PPARGC1A: variants seen among roughly 807,000 people sequenced by gnomAD.
PPARGC1A encodes the protein peroxisome proliferator-activated receptor gamma coactivator 1-alpha.
A neutral mutation model predicts 88.7 loss-of-function variants in PPARGC1A; 25 were observed. The observed-to-expected ratio is 0.28, with a 90% CI of 0.21 to 0.39. The LOEUF (loss-of-function observed/expected upper bound fraction) is 0.39. Ranked by LOEUF, PPARGC1A falls within the 10% of genes least tolerant of loss-of-function variation. The pLI, the probability that PPARGC1A is intolerant of heterozygous loss-of-function variation, is 1.00. For missense variants in PPARGC1A, 880 were observed against 968.7 expected (o/e 0.91, Z 1.22); for synonymous variants, 363 against 355.6 (o/e 1.02, Z -0.24).
the PPARGC1A span, among the ~76,000 whole-genome samples, chr4:23,948,996 C>G: frequency 6.6e-6 from 1 of 152,160 alleles, no homozygotes; most frequent in Non-Finnish European, 1.5e-5. Flanking sequence ...TAGAATTTAA[C>G]TCTTAAACCA....
intron 1 of PPARGC1A, among the ~76,000 whole-genome samples, chr4:23,886,518 G>A (rs532273973): frequency 6.6e-6 from 1 of 152,052 alleles, no homozygotes; most frequent in Non-Finnish European, 1.5e-5. Context: ...CAGGGACAAG[G>A]GAATGCAAAG....
At chr4:24,251,603 C>T in the PPARGC1A span, among the ~76,000 whole-genome samples, 1 of 152,156 alleles carries the variant, frequency 6.6e-6, no homozygotes, top group South Asian at 2.1e-4. Context: ...TAATGACAGC[C>T]ACTTGAGCAT....
the PPARGC1A span, among the ~76,000 whole-genome samples, chr4:24,204,587 AC>A: frequency 2.0e-5 from 3 of 152,086 alleles, no homozygotes; most frequent in African/African-American, 7.2e-5. Flanking sequence ...CATCCACATA[AC>A]CCTGAGAAAG....
chr4:24,022,911 T>A, the PPARGC1A span, among the ~76,000 whole-genome samples: 2 of 152,178 alleles, frequency 1.3e-5, no homozygotes, highest in African/African-American at 4.8e-5. Flanking sequence ...CTAAAAATAA[T>A]CCAGCAACTG....
At chr4:24,024,243 C>T in the PPARGC1A span, among the ~76,000 whole-genome samples, 1 of 152,326 alleles carries the variant, frequency 6.6e-6, no homozygotes, top group African/African-American at 2.4e-5. Context: ...TTTTACATGA[C>T]TTATCTCACG....
chr4:24,331,253 T>C, the PPARGC1A span, among the ~76,000 whole-genome samples: 1 of 152,164 alleles, frequency 6.6e-6, no homozygotes, highest in Non-Finnish European at 1.5e-5. Context: ...AGAGCCTTTA[T>C]GTTTGCAGTT....
At chr4:24,321,119 T>C in the PPARGC1A span, among the ~76,000 whole-genome samples, 1 of 152,212 alleles carries the variant, frequency 6.6e-6, no homozygotes, top group Admixed American at 6.5e-5. Flanking sequence ...AGTCATCCTG[T>C]AAAGCTTCCA....
At chr4:23,946,077 C>T in the PPARGC1A span, among the ~76,000 whole-genome samples, 1 of 152,074 alleles carries the variant, frequency 6.6e-6, no homozygotes, top group Non-Finnish European at 1.5e-5. Flanking sequence ...CTTTAAGATA[C>T]CATGGTCCCA....
At chr4:24,082,164 C>G in the PPARGC1A span, among the ~76,000 whole-genome samples, 8 of 152,146 alleles carry the variant, frequency 5.3e-5, no homozygotes, top group Non-Finnish European at 1.2e-4. Context: ...CAGTTCAAAG[C>G]CCTTGCGGCA....
the PPARGC1A span, among the ~76,000 whole-genome samples, chr4:24,226,922 C>A: frequency 2.0e-5 from 3 of 152,108 alleles, no homozygotes; most frequent in African/African-American, 7.2e-5. Flanking sequence ...CTCTCCCACA[C>A]CCCCTCCAAG....
chr4:24,183,964 A>G, the PPARGC1A span, among the ~76,000 whole-genome samples: 5 of 152,350 alleles, frequency 3.3e-5, no homozygotes, highest in Admixed American at 2.0e-4. Flanking sequence ...AAAAAGTAAA[A>G]CAAAGCTGCT....
the PPARGC1A span, among the ~76,000 whole-genome samples, chr4:23,955,237 C>G: frequency 6.6e-6 from 1 of 152,032 alleles, no homozygotes; most frequent in African/African-American, 2.4e-5. Context: ...TTCAAAACAT[C>G]TAATGCTTGT....
chr4:23,909,614 G>T, the PPARGC1A span, among the ~76,000 whole-genome samples: 1 of 151,818 alleles, frequency 6.6e-6, no homozygotes, highest in South Asian at 2.1e-4. Context: ...GAAGGAGGAG[G>T]GATGATGAGG....
chr4:24,329,034 A>AC, the PPARGC1A span, among the ~76,000 whole-genome samples: 1 of 152,222 alleles, frequency 6.6e-6, no homozygotes, highest in African/African-American at 2.4e-5. Flanking sequence ...GCTGCCCAGC[A>AC]AACAGTTTAT....
the PPARGC1A span, among the ~76,000 whole-genome samples, chr4:23,932,267 C>T: frequency 5.7e-3 from 874 of 152,304 alleles, 6 homozygotes; most frequent in Admixed American, 9.5e-3. Flanking sequence ...CAAGAGAATG[C>T]TCTTAGTGGG....
chr4:24,227,099 T>G, the PPARGC1A span, among the ~76,000 whole-genome samples: 4 of 152,270 alleles, frequency 2.6e-5, no homozygotes, highest in Admixed American at 2.6e-4. Flanking sequence ...TTTTTTCTTT[T>G]TTGGATACGG....
the PPARGC1A span, among the ~76,000 whole-genome samples, chr4:23,965,883 C>T: frequency 2.0e-5 from 3 of 152,152 alleles, no homozygotes; most frequent in Non-Finnish European, 2.9e-5. Flanking sequence ...CTTTTTATAT[C>T]GCTTTTTATC....
chr4:24,358,862 T>C, the PPARGC1A span, among the ~76,000 whole-genome samples: 1 of 152,168 alleles, frequency 6.6e-6, no homozygotes, highest in African/African-American at 2.4e-5. Context: ...TTCTAGCAGG[T>C]AGGTTGTGTG....
the PPARGC1A span, among the ~76,000 whole-genome samples, chr4:24,087,763 C>T: frequency 6.6e-6 from 1 of 152,184 alleles, no homozygotes; most frequent in African/African-American, 2.4e-5. Context: ...TGTGCTACAG[C>T]TGCTGTTGGT....
Sources: gnomAD v4.1 joint callset for allele counts (sites outside exome capture counted in the v4.1 genomes callset) on GRCh38, gnomAD v4.1.1 for gene constraint, MANE v1.5 for transcripts, NCBI Gene and HGNC (gene_info 2026-07-23, HGNC 2026-07-21) for gene names.